The following PPP1R12B variants were observed in gnomAD, a reference collection of about 807,000 sequenced individuals.
PPP1R12B encodes protein phosphatase 1 regulatory subunit 12B.
PPP1R12B carries 76 observed loss-of-function variants against 126.1 expected under a neutral mutation model. The observed-to-expected ratio is 0.60, with a 90% CI of 0.50 to 0.73. The LOEUF (loss-of-function observed/expected upper bound fraction) is 0.73. Among genes scored for constraint, PPP1R12B ranks in the 30% least tolerant of loss-of-function variants. The pLI is 0.00. For synonymous variants in PPP1R12B, 356 were observed against 434.7 expected (o/e 0.82, Z 2.25); for missense variants, 1,052 against 1,205.1 (o/e 0.87, Z 1.88).
At chr1:202,371,721 TAGAG>T (rs1470669140) in intron 1 of PPP1R12B, among the ~76,000 whole-genome samples, 2 of 152,270 alleles carry the variant, frequency 1.3e-5, no homozygotes, top group South Asian at 2.1e-4. Context: ...AAAGATAGTT[TAGAG>T]AGAGAGTATT....
intron 1 of PPP1R12B, among the ~76,000 whole-genome samples, chr1:202,366,465 C>T (rs1335138170): frequency 7.1e-6 from 1 of 140,690 alleles, no homozygotes; most frequent in African/African-American, 2.7e-5. Context: ...TTGCAGTGAG[C>T]CAAGAACGCA....
intron 6 of PPP1R12B, among the ~76,000 whole-genome samples, chr1:202,430,059 G>C (rs1038130177): frequency 1.3e-5 from 2 of 152,142 alleles, no homozygotes; most frequent in Non-Finnish European, 2.9e-5. Flanking sequence ...CAGCCTTCCT[G>C]ATTATAAGTT....
At chr1:202,446,018 C>A (rs1327076788) in intron 12 of PPP1R12B, among the ~76,000 whole-genome samples, 3 of 151,826 alleles carry the variant, frequency 2.0e-5, no homozygotes, top group Non-Finnish European at 2.9e-5. Context: ...TACTAGATTT[C>A]TTTCCCTAAA....
chr1:202,571,038 T>G (rs1322729931), intron 23 of PPP1R12B, among the ~76,000 whole-genome samples: 1 of 152,156 alleles, frequency 6.6e-6, no homozygotes, highest in African/African-American at 2.4e-5. Context: ...AAAGCCAGCC[T>G]CCACTCACCA....
chr1:202,425,718 G>A lies in PPP1R12B; in HGVS notation c.694G>A (p.Val232Ile). Reference sequence around the variant, plus strand: ...GGCTGCTGCCAAGGGCTACTCTGAAGTCCTCAGGTATTGTCCATTTACATC... The same window carrying A: ...GGCTGCTGCCAAGGGCTACTCTGAAATCCTCAGGTATTGTCCATTTACATC... The part of the protein sequence containing the change: ...HVAAAKGYSE[V>I]LRLLIQAGYE... Residue 232 changes from valine to isoleucine, a missense_variant, in exon 4 of 24, where the codon GTC (valine) becomes ATC (isoleucine). Coordinates refer to ENST00000608999, the MANE Select transcript of PPP1R12B (RefSeq NM_002481.4). 1 of 1,613,558 alleles carries A rather than the reference G, an allele frequency of 6.2e-7. No homozygotes were observed. Among genetic ancestry groups the A allele is most frequent in the Non-Finnish European group, 8.5e-7 (1 of 1,179,650 alleles).
intron 2 of PPP1R12B, among the ~76,000 whole-genome samples, chr1:202,418,552 C>T (rs1441477283): frequency 6.6e-6 from 1 of 151,672 alleles, no homozygotes; most frequent in Non-Finnish European, 1.5e-5. Context: ...CACAATATAA[C>T]AATCTCTAGC....
intron 13 of PPP1R12B, among the ~76,000 whole-genome samples, chr1:202,450,470 T>C (rs1044487472): frequency 6.6e-6 from 1 of 152,224 alleles, no homozygotes; most frequent in African/African-American, 2.4e-5. Context: ...TTTGGGAGTT[T>C]CAAATGTACT....
At chr1:202,397,833 A>C (rs1312967565) in intron 1 of PPP1R12B, among the ~76,000 whole-genome samples, 1 of 152,264 alleles carries the variant, frequency 6.6e-6, no homozygotes, top group Non-Finnish European at 1.5e-5. Context: ...ATTTTCTGGC[A>C]CTGAAGAAAA....
intron 1 of PPP1R12B, among the ~76,000 whole-genome samples, chr1:202,355,151 C>A (rs530376928): frequency 2.0e-5 from 3 of 151,442 alleles, no homozygotes; most frequent in East Asian, 2.0e-4. Context: ...GTAATCCACC[C>A]GCCTCAGCCT....
intron 18 of PPP1R12B, among the ~76,000 whole-genome samples, chr1:202,529,268 G>A (rs1439628101): frequency 2.0e-5 from 3 of 149,924 alleles, no homozygotes; most frequent in African/African-American, 7.4e-5. Flanking sequence ...ATAAGGAAGA[G>A]TCTTTCATAT....
At chr1:202,447,001 A>G (rs1166269071) in intron 12 of PPP1R12B, among the ~76,000 whole-genome samples, 1 of 152,164 alleles carries the variant, frequency 6.6e-6, no homozygotes, top group Non-Finnish European at 1.5e-5. Flanking sequence ...GACAAAGAAA[A>G]AATGCTTCTG....
rs1434227477 is a variant in PPP1R12B at position 202,580,661 on chromosome 1, G to A, written c.*101G>A. On this transcript the variant is annotated 3_prime_UTR_variant, in exon 24 of 24. Coordinates refer to ENST00000608999, the MANE Select transcript of PPP1R12B (RefSeq NM_002481.4). Reference sequence around the variant, plus strand: ...CCAACCAAAAGAAATGGATGTTTTGGTGGAAGGACACTTCTTTCTATCACC... The same window carrying A: ...CCAACCAAAAGAAATGGATGTTTTGATGGAAGGACACTTCTTTCTATCACC... 2 of 957,726 alleles carry A rather than the reference G, an allele frequency of 2.1e-6. No individual in the cohort carries two copies. The highest frequency in any genetic ancestry group is 3.8e-5 in the Admixed American group (2 of 51,952). 59.3% of individuals were successfully genotyped at this position (957,726 alleles called of 1,614,324 possible).
chr1:202,454,430 A>G (rs1673366653), intron 13 of PPP1R12B, among the ~76,000 whole-genome samples: 1 of 152,238 alleles, frequency 6.6e-6, no homozygotes. Context: ...ATTCATCTTC[A>G]AAATACTTAC....
At chr1:202,392,737 G>A (rs1333721743) in intron 1 of PPP1R12B, among the ~76,000 whole-genome samples, 1 of 151,790 alleles carries the variant, frequency 6.6e-6, no homozygotes, top group Non-Finnish European at 1.5e-5. Flanking sequence ...ATGCTTCTCA[G>A]GCTGGTCTCA....
At position 202,584,537 on chromosome 1, in the gene PPP1R12B, G is replaced by T. The variant is rs1456645021; in HGVS notation, c.*3977G>T. On this transcript the variant is annotated 3_prime_UTR_variant, in exon 24 of 24. Transcript: ENST00000608999. ...CTCTCAAAGCCATGTACTTTGTTAG[G>T]TGTCTGGATTTTTGGCCTGTTTGCA... 1 of 152,220 alleles carries T rather than the reference G, an allele frequency of 6.6e-6. No homozygotes were observed. The highest frequency in any genetic ancestry group is 1.5e-5 in the Non-Finnish European group (1 of 68,036). 9.4% of individuals were successfully genotyped at this position (152,220 alleles called of 1,614,324 possible).
intron 13 of PPP1R12B, chr1:202,462,789 A>G: frequency 1.0e-6 from 1 of 985,282 alleles, no homozygotes; most frequent in Non-Finnish European, 1.2e-6. Context: ...TTAGAGAAGG[A>G]CAGTCAGAGG....
At chr1:202,522,392 A>G (rs12024066) in intron 18 of PPP1R12B, among the ~76,000 whole-genome samples, 65,697 of 151,726 alleles carry the variant, frequency 0.43, 15,557 homozygotes, top group East Asian at 0.7. Context: ...TAGACTTTTA[A>G]AAAATATATA....
chr1:202,555,526 A>G (rs527626529), intron 18 of PPP1R12B, among the ~76,000 whole-genome samples: 3 of 151,968 alleles, frequency 2.0e-5, no homozygotes, highest in Non-Finnish European at 4.4e-5. Flanking sequence ...CAGCAGCAAA[A>G]AAGCATGATT....
intron 18 of PPP1R12B, among the ~76,000 whole-genome samples, chr1:202,548,800 C>CTATATATA (rs1685963363): frequency 9.5e-6 from 1 of 104,740 alleles, no homozygotes; most frequent in Non-Finnish European, 2.1e-5. Context: ...CTCTCTCTCT[C>CTATATATA]TCTCTCTCTA....
Sources: allele counts gnomAD v4.1 joint callset (sites outside exome capture counted in the v4.1 genomes callset), GRCh38; gene constraint gnomAD v4.1.1; transcripts MANE v1.5; gene names NCBI Gene and HGNC (gene_info 2026-07-23, HGNC 2026-07-21).